FRMPD4: variants seen among roughly 807,000 people sequenced by gnomAD.
FRMPD4 encodes the protein FERM and PDZ domain-containing protein 4.
In FRMPD4, 22 loss-of-function variants were observed where a neutral mutation model predicts 94.1. The observed-to-expected ratio is 0.23, with a 90% CI of 0.17 to 0.33. The LOEUF (loss-of-function observed/expected upper bound fraction) is 0.33, where lower values mean the gene tolerates loss of function less well. Among genes scored for constraint, FRMPD4 ranks in the 10% least tolerant of loss-of-function variants. FRMPD4 has a pLI of 1.00. For missense variants in FRMPD4, 1,111 were observed against 1,339.9 expected (o/e 0.83, Z 2.67); for synonymous variants, 631 against 548.6 (o/e 1.15, Z -2.10).
intron 1 of FRMPD4, among the ~76,000 whole-genome samples, chrX:11,844,774 A>C (rs2053563803): frequency 9.0e-6 from 1 of 111,712 alleles, no homozygotes; most frequent in African/African-American, 3.3e-5. Flanking sequence ...TGAAGTTTTT[A>C]TTTATTATTT....
At chrX:12,363,298 T>C (rs1459767055) in intron 1 of FRMPD4, among the ~76,000 whole-genome samples, 1 of 112,620 alleles carries the variant, frequency 8.9e-6, no homozygotes, top group Non-Finnish European at 1.9e-5. Context: ...TTTTGCTCTT[T>C]GAAAATACTT....
chrX:12,231,781 A>T (rs1251081861), intron 1 of FRMPD4, among the ~76,000 whole-genome samples: 1 of 111,623 alleles, frequency 9.0e-6, no homozygotes, highest in East Asian at 2.8e-4. Flanking sequence ...AATAGATGAG[A>T]TTTAAAAACT....
chrX:12,168,379 A>AC (rs1206617330), intron 1 of FRMPD4, among the ~76,000 whole-genome samples: 1 of 109,766 alleles, frequency 9.1e-6, no homozygotes, highest in Non-Finnish European at 1.9e-5. Context: ...AAAAAAAAAA[A>AC]AAACAACTCT....
chrX:12,534,198 G>A (rs956212299), intron 2 of FRMPD4, among the ~76,000 whole-genome samples: 2 of 113,106 alleles, frequency 1.8e-5, no homozygotes, highest in Non-Finnish European at 3.7e-5. Context: ...CTTCCATGTG[G>A]TGTTGAGCCT....
At chrX:11,916,858 G>A (rs2054027338) in intron 3 of FRMPD4, among the ~76,000 whole-genome samples, 1 of 111,437 alleles carries the variant, frequency 9.0e-6, no homozygotes, top group Non-Finnish European at 1.9e-5. Flanking sequence ...TGTCAGCAGA[G>A]CTCCCCTCCC....
In FRMPD4 at chrX:12,718,571, C is replaced by A. The variant is rs1370357621; in HGVS notation, c.3745C>A (p.Pro1249Thr). Residue 1249 changes from proline to threonine, a missense_variant, in exon 16 of 17, where the codon CCT becomes ACT. Transcript: ENST00000675598. Reference sequence around the variant, plus strand: ...CCCCTCCCTGGGGAAGCACTTGATTCCTGACGCTTCTGGGAAAGGCGTGAA... The same window carrying A: ...CCCCTCCCTGGGGAAGCACTTGATTACTGACGCTTCTGGGAAAGGCGTGAA... ...LCPSLGKHLI[P>T]DASGKGVNYI... The A allele has an allele frequency of 1.3e-5, 16 of 1,207,461 alleles. No homozygotes were observed. Among genetic ancestry groups the A allele is most frequent in the African/African-American group, 1.7e-5 (1 of 57,201 alleles).
At chrX:12,679,604 T>C (rs778748100) in intron 5 of FRMPD4, among the ~76,000 whole-genome samples, 1 of 111,862 alleles carries the variant, frequency 8.9e-6, no homozygotes, top group Admixed American at 9.4e-5. Context: ...GGCAGGGTGC[T>C]CACAACCTGT....
intron 1 of FRMPD4, among the ~76,000 whole-genome samples, chrX:12,211,501 T>G (rs2056755067): frequency 8.9e-6 from 1 of 112,236 alleles, no homozygotes; most frequent in East Asian, 2.8e-4. Context: ...ATCCTAGTTT[T>G]TCATGTGTTT....
At chrX:12,590,858 G>A (rs958890395) in intron 2 of FRMPD4, among the ~76,000 whole-genome samples, 1 of 111,762 alleles carries the variant, frequency 8.9e-6, no homozygotes, top group Non-Finnish European at 1.9e-5. Context: ...GTTGGGAAAA[G>A]GCCACCAACA....
At chrX:12,693,755 T>A (rs1466729187) in intron 8 of FRMPD4, among the ~76,000 whole-genome samples, 1 of 112,107 alleles carries the variant, frequency 8.9e-6, no homozygotes, top group Non-Finnish European at 1.9e-5. Context: ...CTCTCTGCTG[T>A]CTCTTTGGAT....
chrX:12,611,251 G>GA, intron 3 of FRMPD4, among the ~76,000 whole-genome samples: 1 of 110,871 alleles, frequency 9.0e-6, no homozygotes, highest in East Asian at 2.8e-4. Context: ...TTTATTTTCA[G>GA]AAAAAAAGGG....
intron 4 of FRMPD4, among the ~76,000 whole-genome samples, chrX:12,673,393 C>T (rs778863026): frequency 7.2e-4 from 81 of 111,833 alleles, no homozygotes; most frequent in Middle Eastern, 4.2e-3. Context: ...CCCAGTTTGC[C>T]TCTGACACTT....
chrX:11,825,233 TG>T (rs2053435822), intron 1 of FRMPD4, among the ~76,000 whole-genome samples: 3 of 100,670 alleles, frequency 3.0e-5, no homozygotes, highest in African/African-American at 1.1e-4. Context: ...TGTGTGTGTG[TG>T]TGTGGTCTCT....
chrX:11,852,879 G>A (rs2053633099), intron 1 of FRMPD4, among the ~76,000 whole-genome samples: 1 of 111,388 alleles, frequency 9.0e-6, no homozygotes, highest in South Asian at 3.8e-4. Context: ...TTCAGGACCT[G>A]GACTCAGCAC....
intron 1 of FRMPD4, among the ~76,000 whole-genome samples, chrX:12,238,124 A>G (rs1601727200): frequency 9.0e-6 from 1 of 110,530 alleles, no homozygotes; most frequent in African/African-American, 3.3e-5. Flanking sequence ...TTATTTACTT[A>G]TTTATTTATT....
intron 1 of FRMPD4, among the ~76,000 whole-genome samples, chrX:11,860,120 C>A (rs938817885): frequency 3.6e-5 from 4 of 112,479 alleles, no homozygotes; most frequent in Non-Finnish European, 7.5e-5. Context: ...AATTAAGATG[C>A]ATTTGCTGGA....
chrX:12,129,026 C>T (rs1439303802), intron 3 of FRMPD4, among the ~76,000 whole-genome samples: 5 of 111,919 alleles, frequency 4.5e-5, no homozygotes, highest in African/African-American at 1.6e-4. Flanking sequence ...TAGGAAGTTC[C>T]AAACTTTCCT....
intron 3 of FRMPD4, among the ~76,000 whole-genome samples, chrX:12,092,663 C>T (rs1411851000): frequency 9.0e-6 from 1 of 111,621 alleles, no homozygotes; most frequent in African/African-American, 3.3e-5. Flanking sequence ...TGTGCCAAAC[C>T]TCATTCCCAT....
intron 2 of FRMPD4, among the ~76,000 whole-genome samples, chrX:12,583,822 G>C (rs1251785684): frequency 8.9e-6 from 1 of 112,308 alleles, no homozygotes; most frequent in Non-Finnish European, 1.9e-5. Context: ...GGGAATGGCT[G>C]GGGGCGGGGC....
Sources: allele counts gnomAD v4.1 joint callset (sites outside exome capture counted in the v4.1 genomes callset), GRCh38; gene constraint gnomAD v4.1.1; transcripts MANE v1.5; gene names NCBI Gene and HGNC (gene_info 2026-07-23, HGNC 2026-07-21).